SOD2: variants seen among roughly 807,000 people sequenced by gnomAD.
SOD2 encodes the protein superoxide dismutase [Mn], mitochondrial.
Under a neutral mutation model 27.0 loss-of-function variants are expected in SOD2, and 11 were observed. The ratio of observed to expected loss-of-function variants is 0.41; its 90% confidence interval spans 0.26 to 0.67. SOD2 has a LOEUF of 0.67. SOD2 is among the 30% of genes least tolerant of loss of function. The probability of loss-of-function intolerance (pLI) is 0.34; values close to 1 mark genes in which losing one functional copy is unlikely to be tolerated. For missense variants in SOD2, 250 were observed against 274.5 expected (o/e 0.91, Z 0.63); for synonymous variants, 105 against 103.0 (o/e 1.02, Z -0.12).
At chr6:159,719,002 T>C (rs933834955) in intron 1 of SOD2, among the ~76,000 whole-genome samples, 2 of 151,820 alleles carry the variant, frequency 1.3e-5, no homozygotes, top group African/African-American at 4.9e-5. Context: ...TGGGTGCCAA[T>C]AACAAAAGCT....
At chr6:159,734,324 T>A (rs1458192133) in intron 1 of SOD2, among the ~76,000 whole-genome samples, 1 of 150,390 alleles carries the variant, frequency 6.6e-6, no homozygotes, top group Non-Finnish European at 1.5e-5. Flanking sequence ...CAAGTAGCTT[T>A]CGAGATGATG....
chr6:159,717,702 C>A (rs2114833429), intron 1 of SOD2, among the ~76,000 whole-genome samples: 1 of 152,284 alleles, frequency 6.6e-6, no homozygotes, highest in South Asian at 2.1e-4. Flanking sequence ...TAACCTCTGG[C>A]TGTCCCCTCC....
chr6:159,732,878 A>G (rs1416054833), intron 1 of SOD2, among the ~76,000 whole-genome samples: 1 of 122,746 alleles, frequency 8.1e-6, no homozygotes, highest in Non-Finnish European at 1.6e-5. Flanking sequence ...CTCTCTGTAT[A>G]TATATATAGT....
intron 1 of SOD2, among the ~76,000 whole-genome samples, chr6:159,734,389 A>AAC (rs1778778738): frequency 1.3e-5 from 2 of 152,216 alleles, no homozygotes; most frequent in African/African-American, 4.8e-5. Context: ...AAAAAAAAAA[A>AAC]AAATTCAGTT....
chr6:159,717,750 C>G (rs1312987372), intron 1 of SOD2, among the ~76,000 whole-genome samples: 4 of 152,096 alleles, frequency 2.6e-5, no homozygotes, highest in African/African-American at 9.7e-5. Flanking sequence ...AACCGCTATT[C>G]TACTCTCTAC....
At chr6:159,746,390 C>T (rs999227705), upstream of SOD2, among the ~76,000 whole-genome samples, 22 of 152,152 alleles carry the variant, frequency 1.4e-4, no homozygotes, top group African/African-American at 5.1e-4. Flanking sequence ...GGTACCTGTC[C>T]TTTAAAACAG....
chr6:159,717,423 ATTATTT>A (rs1418295991), intron 1 of SOD2, among the ~76,000 whole-genome samples: 1 of 152,122 alleles, frequency 6.6e-6, no homozygotes, highest in Non-Finnish European at 1.5e-5. Context: ...CCATAAAATT[ATTATTT>A]TTATTTGACA....
chr6:159,728,924 A>G (rs1453788750), upstream of SOD2, among the ~76,000 whole-genome samples: 1 of 152,242 alleles, frequency 6.6e-6, no homozygotes, highest in South Asian at 2.1e-4. Flanking sequence ...GCTAACTCCT[A>G]AAGGATAAAA....
chr6:159,756,258 C>G (rs1456142069), intron 1 of SOD2: 1 of 152,686 alleles, frequency 6.5e-6, no homozygotes, highest in Admixed American at 6.5e-5. Flanking sequence ...TGCTCTGTGA[C>G]TCCAGTATAT....
In SOD2 at chr6:159,739,794, C is replaced by T. The variant is rs560005649; in HGVS notation, c.-116+5336G>A. 7.8e-5 allele frequency among the ~76,000 whole-genome samples: 11 copies of T among 141,268 alleles called. No homozygotes were observed. In the Admixed American group the frequency reaches 7.9e-4, roughly 10 times the overall value. The allele number at this position is 141,268 out of a possible 152,430, so 92.7% of individuals were successfully genotyped here. ...ACAATTTCCTACTTTCACCTTTGGA[C>T]AGCTACTGTATTATGAACACACTTT... On this transcript the variant is annotated intron_variant, in intron 1 of 3. Coordinates refer to the SOD2 transcript ENST00000537657.
chr6:159,705,634 C>T (rs1442863405), intron 1 of SOD2, among the ~76,000 whole-genome samples: 2 of 151,918 alleles, frequency 1.3e-5, no homozygotes, highest in Non-Finnish European at 2.9e-5. Flanking sequence ...ACCAAATCTA[C>T]GTCTGATTGG....
chr6:159,742,217 GT>G, intron 1 of SOD2: 2 of 1,323,456 alleles, frequency 1.5e-6, no homozygotes, highest in South Asian at 1.3e-5. Context: ...AAGGATAGTT[GT>G]TTTTATTAAA....
intron 1 of SOD2, among the ~76,000 whole-genome samples, chr6:159,738,294 A>G (rs996625997): frequency 1.1e-4 from 17 of 152,148 alleles, no homozygotes; most frequent in African/African-American, 4.1e-4. Flanking sequence ...CATTTGTATA[A>G]TTGTTACTTC....
At chr6:159,692,190 C>T (rs1777231957) in intron 2 of SOD2, 1 of 295,148 alleles carries the variant, frequency 3.4e-6, no homozygotes, top group Non-Finnish European at 6.2e-6. Context: ...GAGACACCTG[C>T]GGACCCGATG....
chr6:159,736,262 C>T, intron 1 of SOD2: 1 of 1,597,594 alleles, frequency 6.3e-7, no homozygotes, highest in South Asian at 1.1e-5. Flanking sequence ...TTTTAGGATT[C>T]AAGATGACCA....
intron 1 of SOD2, chr6:159,739,080 T>C: frequency 1.3e-6 from 2 of 1,511,918 alleles, no homozygotes; most frequent in Non-Finnish European, 1.8e-6. Context: ...AAAGTCTTTC[T>C]ATAGAACATT....
At chr6:159,754,014 T>G (rs1292215467) in intron 1 of SOD2, among the ~76,000 whole-genome samples, 1 of 152,214 alleles carries the variant, frequency 6.6e-6, no homozygotes, top group African/African-American at 2.4e-5. Context: ...ATAAAGTTGA[T>G]TGTATCTGTG....
chr6:159,673,125 T>C lies in SOD2; in HGVS notation c.*9368A>G, dbSNP rs956492766. 2.6e-5 allele frequency: 4 copies of C among 152,014 alleles called. No individual in the cohort carries two copies. Among genetic ancestry groups the C allele is most frequent in the Admixed American group, 1.3e-4 (2 of 15,236 alleles). 9.4% of individuals were successfully genotyped at this position (152,014 alleles called of 1,614,324 possible). ...AAGTCCTTAGAGACCTACAAAGAGA[T>C]TTAGACTCCCACACAATAACAATGG... On this transcript the variant is annotated 3_prime_UTR_variant, in exon 5 of 5. Transcript: ENST00000538183.
upstream of SOD2, chr6:159,693,287 G>A (rs1445797094): frequency 9.6e-6 from 8 of 835,452 alleles, no homozygotes; most frequent in African/African-American, 1.8e-5. Context: ...GCGGGGAGCA[G>A]GGCCGCGACC....
Sources: gnomAD v4.1 joint callset for allele counts (sites outside exome capture counted in the v4.1 genomes callset) on GRCh38, gnomAD v4.1.1 for gene constraint, MANE v1.5 for transcripts, NCBI Gene and HGNC (gene_info 2026-07-23, HGNC 2026-07-21) for gene names.